The following AUTS2 variants were observed in gnomAD, a reference collection of about 807,000 sequenced individuals.
The protein encoded by AUTS2 is activator of transcription and developmental regulator AUTS2.
AUTS2 carries 17 observed loss-of-function variants against 112.4 expected under a neutral mutation model. That is an observed-to-expected ratio of 0.15 (90% CI 0.10 to 0.23). The LOEUF (loss-of-function observed/expected upper bound fraction) is 0.23. Among genes scored for constraint, AUTS2 ranks in the 10% least tolerant of loss-of-function variants. The pLI, the probability that AUTS2 is intolerant of heterozygous loss-of-function variation, is 1.00. For synonymous variants in AUTS2, 751 were observed against 702.7 expected (o/e 1.07, Z -1.09); for missense variants, 1,510 against 1,701.6 (o/e 0.89, Z 1.98).
At chr7:70,580,682 T>C (rs73445456) in intron 5 of AUTS2, among the ~76,000 whole-genome samples, 21,932 of 152,084 alleles carry the variant, frequency 0.14, 1,857 homozygotes, top group Non-Finnish European at 0.18. Flanking sequence ...GGTTATTTTT[T>C]AATTGAAAAA....
At chr7:70,104,355 T>A (rs977763469) in intron 2 of AUTS2, among the ~76,000 whole-genome samples, 1 of 152,184 alleles carries the variant, frequency 6.6e-6, no homozygotes, top group Non-Finnish European at 1.5e-5. Flanking sequence ...TTAAGTCTGA[T>A]AGTGTACATG....
At chr7:70,632,338 C>T (rs188253537) in intron 5 of AUTS2, among the ~76,000 whole-genome samples, 3 of 152,242 alleles carry the variant, frequency 2.0e-5, no homozygotes, top group Admixed American at 1.3e-4. Context: ...GGTCCAGAAC[C>T]GTGGGCTGAG....
chr7:69,608,835 G>A (rs2129076378), intron 1 of AUTS2, among the ~76,000 whole-genome samples: 1 of 152,308 alleles, frequency 6.6e-6, no homozygotes, highest in South Asian at 2.1e-4. Context: ...TTTGATTAGT[G>A]TGTCTTACTG....
chr7:70,498,621 C>T (rs1798654170), intron 5 of AUTS2, among the ~76,000 whole-genome samples: 1 of 152,156 alleles, frequency 6.6e-6, no homozygotes, highest in South Asian at 2.1e-4. Context: ...AAATGCCAGT[C>T]AGCTGCAACC....
intron 2 of AUTS2, among the ~76,000 whole-genome samples, chr7:70,047,650 CTT>C (rs1382928264): frequency 6.6e-6 from 1 of 152,030 alleles, no homozygotes; most frequent in East Asian, 1.9e-4. Flanking sequence ...AGAGATCACT[CTT>C]AGTATTGGTA....
chr7:70,644,072 C>G (rs925541033), intron 5 of AUTS2, among the ~76,000 whole-genome samples: 1 of 152,186 alleles, frequency 6.6e-6, no homozygotes, highest in Non-Finnish European at 1.5e-5. Flanking sequence ...TTGGGAACTA[C>G]TGCTTCCGTT....
chr7:70,179,163 C>T (rs1056771812), intron 4 of AUTS2, among the ~76,000 whole-genome samples: 1 of 152,124 alleles, frequency 6.6e-6, no homozygotes, highest in Non-Finnish European at 1.5e-5. Flanking sequence ...TTGGGTGGCT[C>T]ATGATCGGTT....
At chr7:70,341,909 A>G (rs1464788) in intron 4 of AUTS2, among the ~76,000 whole-genome samples, 44,256 of 152,094 alleles carry the variant, frequency 0.29, 6,756 homozygotes, top group African/African-American at 0.38. Flanking sequence ...CACTTCAACT[A>G]TAGGTTCTGG....
intron 4 of AUTS2, among the ~76,000 whole-genome samples, chr7:70,417,088 C>G (rs1795018159): frequency 6.6e-6 from 1 of 152,210 alleles, no homozygotes; most frequent in African/African-American, 2.4e-5. Context: ...GACAGCCCCT[C>G]CACTCTGCTG....
At chr7:69,979,830 A>T (rs963398054) in intron 2 of AUTS2, among the ~76,000 whole-genome samples, 8 of 152,232 alleles carry the variant, frequency 5.3e-5, no homozygotes, top group African/African-American at 1.7e-4. Flanking sequence ...GAAAAGAGGG[A>T]TACAGATTCA....
chr7:70,331,127 C>A (rs1400142821), intron 4 of AUTS2, among the ~76,000 whole-genome samples: 1 of 152,058 alleles, frequency 6.6e-6, no homozygotes, highest in Non-Finnish European at 1.5e-5. Context: ...GAGATGGTAC[C>A]AGCTCCTCTT....
rs1804735379 is a variant in AUTS2, at chr7:70,622,492, C to T, written c.691-76077C>T. ...CAGGCCCTTGGTTGTCCTGCACTCC[C>T]GCTAACCCCCAGACTTTCTTAGAAT... On this transcript the variant is annotated intron_variant, in intron 5 of 18. Transcript: ENST00000342771. 3.3e-5 allele frequency among the ~76,000 whole-genome samples: 5 copies of T among 152,110 alleles called. No individual in the cohort carries two copies. In the South Asian group the frequency reaches 8.3e-4, roughly 25 times the overall value.
chr7:70,690,821 C>A (rs1249120640), intron 5 of AUTS2, among the ~76,000 whole-genome samples: 1 of 152,034 alleles, frequency 6.6e-6, no homozygotes, highest in African/African-American at 2.4e-5. Context: ...ATTAGTTGGG[C>A]GTGGTGGTAC....
At chr7:69,989,373 G>T (rs961150624) in intron 2 of AUTS2, among the ~76,000 whole-genome samples, 5 of 152,138 alleles carry the variant, frequency 3.3e-5, no homozygotes, top group African/African-American at 1.2e-4. Flanking sequence ...TTTAATATGT[G>T]CAAAATTCTA....
At chr7:69,947,867 T>C (rs1004398673) in intron 2 of AUTS2, among the ~76,000 whole-genome samples, 3 of 152,162 alleles carry the variant, frequency 2.0e-5, no homozygotes, top group African/African-American at 7.2e-5. Context: ...ATTCCCTTCT[T>C]ATAGGTTAGG....
At chr7:70,295,753 G>A (rs1158195160) in intron 4 of AUTS2, among the ~76,000 whole-genome samples, 1 of 152,060 alleles carries the variant, frequency 6.6e-6, no homozygotes, top group African/African-American at 2.4e-5. Context: ...AGGCATTAAT[G>A]GATCTGTGAA....
chr7:69,960,424 A>C (rs571338502), intron 2 of AUTS2, among the ~76,000 whole-genome samples: 5 of 152,302 alleles, frequency 3.3e-5, no homozygotes, highest in African/African-American at 9.6e-5. Context: ...ATGAATATTA[A>C]AGAACAAAAC....
At chr7:70,188,461 A>G (rs1277565884) in intron 4 of AUTS2, among the ~76,000 whole-genome samples, 1 of 152,224 alleles carries the variant, frequency 6.6e-6, no homozygotes, top group Non-Finnish European at 1.5e-5. Flanking sequence ...TCTGGACAAC[A>G]TATGCAGAGG....
chr7:70,270,259 C>A (rs1488207600), intron 4 of AUTS2, among the ~76,000 whole-genome samples: 1 of 152,042 alleles, frequency 6.6e-6, no homozygotes, highest in African/African-American at 2.4e-5. Flanking sequence ...TGGCAGGTCC[C>A]AGCAAATAAC....
Sources: gnomAD v4.1 joint callset for allele counts (sites outside exome capture counted in the v4.1 genomes callset) on GRCh38, gnomAD v4.1.1 for gene constraint, MANE v1.5 for transcripts, NCBI Gene and HGNC (gene_info 2026-07-23, HGNC 2026-07-21) for gene names.